Variants in DGKB observed in about 807,000 individuals in gnomAD.
The protein encoded by DGKB is diacylglycerol kinase beta, also known as 90 kDa diacylglycerol kinase.
Under a neutral mutation model 114.3 loss-of-function variants are expected in DGKB, and 67 were observed. The observed-to-expected ratio is 0.59, with a 90% CI of 0.48 to 0.72. The LOEUF (loss-of-function observed/expected upper bound fraction) is 0.72, where lower values mean the gene tolerates loss of function less well. Ranked by LOEUF, DGKB falls within the 30% of genes least tolerant of loss-of-function variation. The pLI is 0.00. For synonymous variants in DGKB, 398 were observed against 323.1 expected (o/e 1.23, Z -2.49); for missense variants, 907 against 975.2 (o/e 0.93, Z 0.93).
At chr7:14,406,596 G>T (rs1038047201) in intron 21 of DGKB, among the ~76,000 whole-genome samples, 1 of 151,854 alleles carries the variant, frequency 6.6e-6, no homozygotes, top group Non-Finnish European at 1.5e-5. Context: ...GGTGATCCTT[G>T]TTTCTATTTA....
At chr7:14,664,951 A>G (rs948366510) in intron 13 of DGKB, among the ~76,000 whole-genome samples, 7 of 152,014 alleles carry the variant, frequency 4.6e-5, no homozygotes, top group African/African-American at 1.7e-4. Flanking sequence ...GGAAAAATAA[A>G]CAGTAGAAAG....
chr7:14,290,049 C>A (rs2128470312), intron 23 of DGKB, among the ~76,000 whole-genome samples: 1 of 152,198 alleles, frequency 6.6e-6, no homozygotes, highest in African/African-American at 2.4e-5. Flanking sequence ...ATTTGTCATA[C>A]AACATGGGCA....
intron 2 of DGKB, among the ~76,000 whole-genome samples, chr7:14,758,924 G>GATAC (rs751691815): frequency 0.015 from 2,158 of 147,614 alleles, 24 homozygotes; most frequent in South Asian, 0.041. Context: ...TAGATAGATA[G>GATAC]ATAGATAGAT....
At chr7:14,187,260 C>T (rs1386588944) in intron 23 of DGKB, among the ~76,000 whole-genome samples, 1 of 152,174 alleles carries the variant, frequency 6.6e-6, no homozygotes, top group Admixed American at 6.5e-5. Context: ...CTGCTGTACT[C>T]ACATGCACCT....
At chr7:14,749,091 A>C (rs1833765922) in intron 4 of DGKB, among the ~76,000 whole-genome samples, 1 of 152,226 alleles carries the variant, frequency 6.6e-6, no homozygotes, top group Non-Finnish European at 1.5e-5. Flanking sequence ...AATTGATATG[A>C]AGGTCACTGA....
chr7:14,163,749 T>C (rs1485539239), intron 25 of DGKB, among the ~76,000 whole-genome samples: 1 of 152,000 alleles, frequency 6.6e-6, no homozygotes, highest in Non-Finnish European at 1.5e-5. Context: ...TCCCAGCACT[T>C]TGTGGGAGGC....
intron 21 of DGKB, among the ~76,000 whole-genome samples, chr7:14,363,114 G>C (rs560817018): frequency 1.3e-5 from 2 of 152,088 alleles, no homozygotes; most frequent in Non-Finnish European, 2.9e-5. Flanking sequence ...GCTGGGCTTC[G>C]CCTCCAGCTC....
chr7:14,544,699 A>C (rs1275222228), intron 20 of DGKB, among the ~76,000 whole-genome samples: 1 of 152,202 alleles, frequency 6.6e-6, no homozygotes, highest in Non-Finnish European at 1.5e-5. Context: ...TGGCTAGTCA[A>C]AAACATTGGA....
At chr7:14,293,682 G>A (rs935494869) in intron 23 of DGKB, among the ~76,000 whole-genome samples, 4 of 151,788 alleles carry the variant, frequency 2.6e-5, no homozygotes, top group African/African-American at 7.3e-5. Context: ...TTTTCTATCC[G>A]CATTCTTTTT....
intron 2 of DGKB, among the ~76,000 whole-genome samples, chr7:14,770,409 GTCCTGGAT>G (rs1421935715): frequency 6.6e-6 from 1 of 152,092 alleles, no homozygotes; most frequent in African/African-American, 2.4e-5. Flanking sequence ...ATAAAGAAAT[GTCCTGGAT>G]TCACCATCAC....
intron 1 of DGKB, among the ~76,000 whole-genome samples, chr7:14,894,011 G>A (rs1412268051): frequency 2.6e-5 from 4 of 151,072 alleles, no homozygotes; most frequent in African/African-American, 7.3e-5. Flanking sequence ...AATTTTAAGT[G>A]AACATTTAAA....
At chr7:14,663,265 T>C (rs1817474960) in intron 13 of DGKB, among the ~76,000 whole-genome samples, 1 of 152,004 alleles carries the variant, frequency 6.6e-6, no homozygotes, top group South Asian at 2.1e-4. Context: ...TCTGGTGTTA[T>C]CTCCTGATAC....
intron 6 of DGKB, among the ~76,000 whole-genome samples, chr7:14,702,705 G>A (rs1427782203): frequency 6.6e-6 from 1 of 152,098 alleles, no homozygotes; most frequent in Non-Finnish European, 1.5e-5. Flanking sequence ...GATGTCTGAA[G>A]TCTATAATAT....
At chr7:14,712,076 A>T (rs1827446686) in intron 6 of DGKB, among the ~76,000 whole-genome samples, 1 of 152,182 alleles carries the variant, frequency 6.6e-6, no homozygotes, top group African/African-American at 2.4e-5. Context: ...CATGAAATAC[A>T]AATAGGAACA....
intron 6 of DGKB, among the ~76,000 whole-genome samples, chr7:14,716,393 C>T (rs1242467040): frequency 6.6e-6 from 1 of 152,060 alleles, no homozygotes; most frequent in East Asian, 1.9e-4. Context: ...GCTTAGCTAC[C>T]CTGGAAGTAT....
At chr7:14,262,779 C>G (rs1008012874) in intron 23 of DGKB, among the ~76,000 whole-genome samples, 1 of 152,140 alleles carries the variant, frequency 6.6e-6, no homozygotes, top group African/African-American at 2.4e-5. Context: ...CCAGCTCCAA[C>G]TAATCAGACC....
chr7:14,164,141 A>G (rs1475715864), intron 25 of DGKB, among the ~76,000 whole-genome samples: 2 of 152,154 alleles, frequency 1.3e-5, no homozygotes, highest in African/African-American at 4.8e-5. Context: ...GCACATCAGG[A>G]AAATACTAAT....
In DGKB at chr7:14,176,905, G is replaced by A; in HGVS notation, c.2244-6C>T. Reference sequence around the variant, plus strand: ...TTGGCAGAGACTTGCTCGTCCTGGGGGAAAATATTTCATTGTAAGTATTGC... The same window carrying A: ...TTGGCAGAGACTTGCTCGTCCTGGGAGAAAATATTTCATTGTAAGTATTGC... On this transcript the variant is annotated splice_polypyrimidine_tract_variant and splice_region_variant and intron_variant, in intron 24 of 25. Transcript: ENST00000402815. 6.2e-7 allele frequency: 1 copy of A among 1,613,078 alleles called. No individual in the cohort carries two copies. The highest frequency in any genetic ancestry group is 8.5e-7 in the Non-Finnish European group (1 of 1,179,182).
chr7:14,327,102 G>A (rs1161382928), intron 23 of DGKB, among the ~76,000 whole-genome samples: 3 of 151,940 alleles, frequency 2.0e-5, no homozygotes, highest in South Asian at 4.1e-4. Flanking sequence ...AAATGTTTTG[G>A]ATAACAGAAT....
Sources: allele counts gnomAD v4.1 joint callset (sites outside exome capture counted in the v4.1 genomes callset), GRCh38; gene constraint gnomAD v4.1.1; transcripts MANE v1.5; gene names NCBI Gene and HGNC (gene_info 2026-07-23, HGNC 2026-07-21).